Variants in CCDC69 observed in about 807,000 individuals in gnomAD.
CCDC69 encodes coiled-coil domain-containing protein 69.
Under a neutral mutation model 40.3 loss-of-function variants are expected in CCDC69, and 38 were observed. That is an observed-to-expected ratio of 0.94 (90% CI 0.73 to 1.24). The LOEUF (loss-of-function observed/expected upper bound fraction) is 1.24, where lower values mean the gene tolerates loss of function less well. CCDC69 is among the 50% of genes most tolerant of loss of function. The pLI is 0.00. For synonymous variants in CCDC69, 141 were observed against 138.9 expected (o/e 1.02, Z -0.11); for missense variants, 389 against 357.9 (o/e 1.09, Z -0.70).
At chr5:151,190,259 T>C (rs1752587648) in intron 4 of CCDC69, among the ~76,000 whole-genome samples, 2 of 152,216 alleles carry the variant, frequency 1.3e-5, no homozygotes, top group African/African-American at 4.8e-5. Context: ...CCTTGTCTGA[T>C]GGGGCATTAG....
Position 151,191,585 on chromosome 5 carries a change from A to G in CCDC69, c.320-4126T>C, listed in dbSNP as rs544509542. 6.6e-5 allele frequency among the ~76,000 whole-genome samples: 10 copies of G among 152,338 alleles called. No individual in the cohort carries two copies. In the East Asian group the frequency reaches 1.5e-3, roughly 23 times the overall value. ...AAAGAGAACCAGAAAATCTCCCAAC[A>G]CTTGGAAATGCACTTCCACATATTC... is the stretch of plus-strand genomic sequence containing the variant. On this transcript the variant is annotated intron_variant, in intron 4 of 8. Coordinates refer to ENST00000355417, the MANE Select transcript of CCDC69 (RefSeq NM_015621.3).
chr5:151,223,585 G>C (rs901312732), intron 1 of CCDC69, among the ~76,000 whole-genome samples: 2 of 152,226 alleles, frequency 1.3e-5, no homozygotes, highest in African/African-American at 4.8e-5. Flanking sequence ...GAGAGGTCAA[G>C]TCACTTGTCC....
intron 2 of CCDC69, among the ~76,000 whole-genome samples, chr5:151,202,067 A>T (rs116208525): frequency 6.6e-6 from 1 of 152,086 alleles, no homozygotes; most frequent in Non-Finnish European, 1.5e-5. Flanking sequence ...TTAAAAAATT[A>T]GTCGCTGGCC....
chr5:151,216,406 AT>A (rs1262419326), intron 1 of CCDC69, among the ~76,000 whole-genome samples: 2,630 of 116,312 alleles, frequency 0.023, 12 homozygotes, highest in African/African-American at 0.051. Flanking sequence ...AATTATTAGG[AT>A]TTTTTTTTTT....
At chr5:151,212,631 G>A (rs769251949) in intron 1 of CCDC69, 35 of 373,380 alleles carry the variant, frequency 9.4e-5, no homozygotes, top group Admixed American at 1.4e-4. Context: ...ACTGGAAGAC[G>A]TCCCAAAGAA....
intron 2 of CCDC69, among the ~76,000 whole-genome samples, chr5:151,202,542 AG>A (rs947571726): frequency 2.0e-5 from 3 of 152,176 alleles, no homozygotes; most frequent in Non-Finnish European, 4.4e-5. Context: ...CGGCCAGGAT[AG>A]GGCTCTGCAG....
At chr5:151,200,574 C>T (rs1023803012) in intron 3 of CCDC69, among the ~76,000 whole-genome samples, 1 of 152,176 alleles carries the variant, frequency 6.6e-6, no homozygotes, top group African/African-American at 2.4e-5. Flanking sequence ...TACCCATTCC[C>T]TCTGGTAAAG....
intron 1 of CCDC69, among the ~76,000 whole-genome samples, chr5:151,210,313 G>T (rs1207604778): frequency 6.6e-6 from 1 of 152,190 alleles, no homozygotes; most frequent in African/African-American, 2.4e-5. Context: ...GGAGGCAGAG[G>T]TGGGTGGATC....
intron 1 of CCDC69, among the ~76,000 whole-genome samples, chr5:151,215,946 A>G (rs1753031603): frequency 1.3e-5 from 2 of 152,230 alleles, no homozygotes; most frequent in Non-Finnish European, 2.9e-5. Flanking sequence ...ACAAAGATGG[A>G]AAGGCATTTG....
At chr5:151,217,148 A>C (rs1188230889) in intron 1 of CCDC69, among the ~76,000 whole-genome samples, 1 of 152,230 alleles carries the variant, frequency 6.6e-6, no homozygotes, top group East Asian at 1.9e-4. Context: ...TACACAGTCT[A>C]TGCACCTAAC....
chr5:151,216,403 A>AG lies in CCDC69; in HGVS notation c.48+7519dup, dbSNP rs1162383110. On this transcript the variant is annotated intron_variant, in intron 1 of 8. Coordinates refer to ENST00000355417, the MANE Select transcript of CCDC69 (RefSeq NM_015621.3). ...CATTTTACATTTTACCTAAATTATT[A>AG]GGATTTTTTTTTTTTTTTTTTTTTT... Among the ~76,000 whole-genome samples the AG allele has an allele frequency of 4.4e-3, 658 of 147,898 alleles. 10 individuals carry two copies. The highest frequency in any genetic ancestry group is 0.015 in the African/African-American group (607 of 39,402).
intron 4 of CCDC69, among the ~76,000 whole-genome samples, chr5:151,188,204 A>G (rs1267449786): frequency 6.6e-6 from 1 of 152,230 alleles, no homozygotes; most frequent in East Asian, 1.9e-4. Context: ...TCAGCTGAAA[A>G]AAGACAATGG....
In CCDC69 at chr5:151,201,725, A is replaced by T. The variant is rs375377099; in HGVS notation, c.125-37T>A. The T allele has an allele frequency of 2.2e-5, 31 of 1,418,248 alleles. No individual in the cohort carries two copies. The African/African-American group carries it at 4.0e-4, about 18-fold the overall frequency. 87.9% of individuals were successfully genotyped at this position (1,418,248 alleles called of 1,614,324 possible). A position where few individuals can be genotyped will look rare whatever the true frequency, so the allele number is the denominator to read the frequency against. On this transcript the variant is annotated intron_variant, in intron 2 of 8. Transcript: ENST00000355417. ...AAAGCAAAAAAATAAAAATAAAAAAACTCACAGAGTGGAAGTACAGTCAGA... is the reference window on the plus strand; with the variant it reads ...AAAGCAAAAAAATAAAAATAAAAAATCTCACAGAGTGGAAGTACAGTCAGA...
At chr5:151,195,136 A>G (rs1752679599) in intron 4 of CCDC69, among the ~76,000 whole-genome samples, 1 of 152,218 alleles carries the variant, frequency 6.6e-6, no homozygotes, top group South Asian at 2.1e-4. Flanking sequence ...AGACTTATGT[A>G]GCACTTAGTA....
At chr5:151,193,982 T>C (rs1206219913) in intron 4 of CCDC69, among the ~76,000 whole-genome samples, 1 of 152,232 alleles carries the variant, frequency 6.6e-6, no homozygotes, top group Non-Finnish European at 1.5e-5. Context: ...ACATGAGTTG[T>C]TATTGAAATG....
chr5:151,195,688 C>T (rs180674532), intron 4 of CCDC69, among the ~76,000 whole-genome samples: 46 of 132,636 alleles, frequency 3.5e-4, no homozygotes, highest in Admixed American at 7.9e-4. Flanking sequence ...CACTGCACTC[C>T]AGCCTGGGGG....
At chr5:151,208,320 A>T (rs1430015774) in intron 1 of CCDC69, among the ~76,000 whole-genome samples, 1 of 152,246 alleles carries the variant, frequency 6.6e-6, no homozygotes, top group East Asian at 1.9e-4. Flanking sequence ...AAAAATTATT[A>T]AAAATGTCCT....
At chr5:151,211,896 G>A (rs965509717) in intron 1 of CCDC69, among the ~76,000 whole-genome samples, 1 of 151,980 alleles carries the variant, frequency 6.6e-6, no homozygotes, top group African/African-American at 2.4e-5. Context: ...GTGACCCTGA[G>A]CTAGGTAGGT....
chr5:151,193,954 T>C (rs1752659688), intron 4 of CCDC69, among the ~76,000 whole-genome samples: 1 of 152,198 alleles, frequency 6.6e-6, no homozygotes, highest in African/African-American at 2.4e-5. Flanking sequence ...AAAGAGGATA[T>C]GTAGACAGCA....
Sources: allele counts gnomAD v4.1 joint callset (sites outside exome capture counted in the v4.1 genomes callset), GRCh38; gene constraint gnomAD v4.1.1; transcripts MANE v1.5; gene names NCBI Gene and HGNC (gene_info 2026-07-23, HGNC 2026-07-21).